The following GLRA3 variants were observed in gnomAD, a reference collection of about 807,000 sequenced individuals.
GLRA3 encodes glycine receptor alpha 3, also known as glycine receptor subunit alpha-3.
A neutral mutation model predicts 60.4 loss-of-function variants in GLRA3; 44 were observed. The observed-to-expected ratio is 0.73, with a 90% CI of 0.57 to 0.94. GLRA3 has a LOEUF of 0.94. Ranked by LOEUF, GLRA3 falls within the 40% of genes least tolerant of loss-of-function variation. The probability of loss-of-function intolerance (pLI) is 0.00; values close to 1 mark genes in which losing one functional copy is unlikely to be tolerated. For missense variants in GLRA3, 508 were observed against 564.6 expected (o/e 0.90, Z 1.02); for synonymous variants, 223 against 192.9 (o/e 1.16, Z -1.29).
In GLRA3 at chr4:174,637,507, T is replaced by G. The variant is rs575524532; in HGVS notation, c.*6279A>C. On this transcript the variant is annotated 3_prime_UTR_variant, in exon 10 of 10. Transcript: ENST00000274093. ...AAGCATATTCAAGTACAATTTTACA[T>G]CTGAATCCTTTCCTGCCATTTAAGT... The G allele has an allele frequency of 6.6e-6, 1 of 152,334 alleles. No individual in the cohort carries two copies. Among genetic ancestry groups the G allele is most frequent in the East Asian group, 1.9e-4 (1 of 5,176 alleles). The allele number at this position is 152,334 out of a possible 1,614,324, so 9.4% of individuals were successfully genotyped here.
At chr4:174,682,060 T>C (rs534892782) in intron 6 of GLRA3, among the ~76,000 whole-genome samples, 1 of 152,284 alleles carries the variant, frequency 6.6e-6, no homozygotes, top group Admixed American at 6.5e-5. Context: ...TGTAATGAAA[T>C]GATAAGAACA....
rs116389616 is a variant in GLRA3, at chr4:174,774,382, G to C, written c.200-7352C>G. ...TGTGTGTATGTGTGTGTGTGTGTAT[G>C]TGTGTGTGTGCATGCATATGTGTGT... is the stretch of plus-strand genomic sequence containing the variant. On this transcript the variant is annotated intron_variant, in intron 2 of 9. Transcript: ENST00000274093. Among the ~76,000 whole-genome samples, 582 of 143,328 alleles carry C rather than the reference G, an allele frequency of 4.1e-3. 4 individuals are homozygous for C. Among genetic ancestry groups the C allele is most frequent in the African/African-American group, 0.014 (564 of 40,362 alleles). 94.0% of individuals were successfully genotyped at this position (143,328 alleles called of 152,430 possible). A position where few individuals can be genotyped will look rare whatever the true frequency, so the allele number is the denominator to read the frequency against.
chr4:174,660,765 C>A (rs958951667), intron 7 of GLRA3, among the ~76,000 whole-genome samples: 1 of 152,122 alleles, frequency 6.6e-6, no homozygotes, highest in African/African-American at 2.4e-5. Flanking sequence ...AAGAAAAATT[C>A]CTGTCTTCTA....
At chr4:174,814,947 A>G (rs960825848) in intron 1 of GLRA3, among the ~76,000 whole-genome samples, 1 of 152,192 alleles carries the variant, frequency 6.6e-6, no homozygotes, top group Non-Finnish European at 1.5e-5. Context: ...AACTCATTTC[A>G]GCATTAGCTC....
intron 2 of GLRA3, among the ~76,000 whole-genome samples, chr4:174,778,164 G>A (rs575728339): frequency 6.6e-6 from 1 of 152,078 alleles, no homozygotes; most frequent in Non-Finnish European, 1.5e-5. Context: ...GAGCGCCAAG[G>A]CCTGTGGTCT....
intron 6 of GLRA3, among the ~76,000 whole-genome samples, chr4:174,678,984 A>T (rs1734233073): frequency 6.6e-6 from 1 of 152,180 alleles, no homozygotes; most frequent in South Asian, 2.1e-4. Flanking sequence ...GAAAAAAATA[A>T]GCTCCACTGT....
chr4:174,782,711 A>G (rs1579599626), intron 2 of GLRA3, among the ~76,000 whole-genome samples: 3 of 152,338 alleles, frequency 2.0e-5, no homozygotes. Flanking sequence ...GTGAAATCCC[A>G]TTCACAATTG....
intron 3 of GLRA3, among the ~76,000 whole-genome samples, chr4:174,732,205 A>T (rs940837063): frequency 6.6e-6 from 1 of 151,942 alleles, no homozygotes; most frequent in African/African-American, 2.4e-5. Flanking sequence ...AAACACAAAA[A>T]TTAGCTGGGT....
rs541250514 is a variant in GLRA3, at chr4:174,777,213, C to G, written c.200-10183G>C. 1.4e-4 allele frequency among the ~76,000 whole-genome samples: 22 copies of G among 152,220 alleles called. 1 individual carries two copies. The East Asian group carries it at 4.3e-3, about 29-fold the overall frequency. On this transcript the variant is annotated intron_variant, in intron 2 of 9. Coordinates refer to ENST00000274093, the MANE Select transcript of GLRA3 (RefSeq NM_006529.4). ...GAGCAGAAATCAAAATGAGATTTGA[C>G]TTCTTTATGATATTAAATGTCAGTA...
At position 174,829,199 on chromosome 4, in the gene GLRA3, CA is replaced by C. The variant is rs1741104611; in HGVS notation, c.-389del. ...AACAGCCGGAAAGAGGACGCCTCTC[CA>C]CCTGCTCCAAGCGCCGCCCGCCGGA... On this transcript the variant is annotated 5_prime_UTR_variant, in exon 1 of 10. Transcript: ENST00000274093. The C allele has an allele frequency of 5.9e-6, 1 of 168,762 alleles. No homozygotes were observed. Among genetic ancestry groups the C allele is most frequent in the Non-Finnish European group, 1.3e-5 (1 of 78,460 alleles). The allele number at this position is 168,762 out of a possible 1,614,324, so 10.5% of individuals were successfully genotyped here. A position where few individuals can be genotyped will look rare whatever the true frequency, so the allele number is the denominator to read the frequency against.
At chr4:174,828,661 G>C in intron 1 of GLRA3, 80 bp downstream of exon 1, 1 of 833,406 alleles carries the variant, frequency 1.2e-6, no homozygotes, top group East Asian at 2.4e-5. Flanking sequence ...CAAATTTCCC[G>C]GTCTCATCAA....
chr4:174,772,198 G>C (rs1738416379), intron 2 of GLRA3, among the ~76,000 whole-genome samples: 1 of 152,172 alleles, frequency 6.6e-6, no homozygotes, highest in Non-Finnish European at 1.5e-5. Flanking sequence ...GACTAATTTA[G>C]GCTTTCACTA....
chr4:174,750,992 T>C (rs1737450690), intron 3 of GLRA3, among the ~76,000 whole-genome samples: 1 of 152,082 alleles, frequency 6.6e-6, no homozygotes, highest in African/African-American at 2.4e-5. Flanking sequence ...GGGATCTATC[T>C]AGGACAGTTT....
chr4:174,774,409 T>C (rs1468196001), intron 2 of GLRA3, among the ~76,000 whole-genome samples: 1 of 151,974 alleles, frequency 6.6e-6, no homozygotes, highest in East Asian at 1.9e-4. Flanking sequence ...TATGTGTGTG[T>C]TTATTTATGC....
chr4:174,735,734 G>T (rs1335456908), intron 3 of GLRA3, among the ~76,000 whole-genome samples: 1 of 151,868 alleles, frequency 6.6e-6, no homozygotes, highest in Non-Finnish European at 1.5e-5. Flanking sequence ...GTAATTTTTG[G>T]ATTTTTTAGC....
At chr4:174,654,198 C>T (rs1238712952) in intron 9 of GLRA3, among the ~76,000 whole-genome samples, 1 of 152,078 alleles carries the variant, frequency 6.6e-6, no homozygotes, top group African/African-American at 2.4e-5. Context: ...GGCTTTCAAC[C>T]GTGAATCCTT....
At chr4:174,781,788 A>T (rs1738884545) in intron 2 of GLRA3, among the ~76,000 whole-genome samples, 1 of 152,170 alleles carries the variant, frequency 6.6e-6, no homozygotes, top group African/African-American at 2.4e-5. Flanking sequence ...CTCTGAATAG[A>T]CCAATAACAT....
At chr4:174,689,041 A>G (rs1378240778) in intron 5 of GLRA3, among the ~76,000 whole-genome samples, 2 of 152,202 alleles carry the variant, frequency 1.3e-5, no homozygotes, top group Non-Finnish European at 2.9e-5. Flanking sequence ...TTTTTCAGGT[A>G]TAAGAGACAT....
intron 5 of GLRA3, among the ~76,000 whole-genome samples, chr4:174,703,044 A>G (rs1179521542): frequency 6.6e-6 from 1 of 152,202 alleles, no homozygotes; most frequent in African/African-American, 2.4e-5. Context: ...ATCTGCATGT[A>G]GATTTTCCTG....
Sources: gnomAD v4.1 joint callset for allele counts (sites outside exome capture counted in the v4.1 genomes callset) on GRCh38, gnomAD v4.1.1 for gene constraint, MANE v1.5 for transcripts, NCBI Gene and HGNC (gene_info 2026-07-23, HGNC 2026-07-21) for gene names.